Variants in FLT3 observed in about 807,000 individuals in gnomAD.
FLT3 encodes fms related receptor tyrosine kinase 3.
Under a neutral mutation model 126.6 loss-of-function variants are expected in FLT3, and 46 were observed. The observed-to-expected ratio is 0.36, with a 90% CI of 0.29 to 0.46. The LOEUF (loss-of-function observed/expected upper bound fraction) is 0.46, where lower values mean the gene tolerates loss of function less well. Among genes scored for constraint, FLT3 ranks in the 20% least tolerant of loss-of-function variants. The pLI is 1.00. For synonymous variants in FLT3, 404 were observed against 434.4 expected (o/e 0.93, Z 0.87); for missense variants, 1,069 against 1,190.3 (o/e 0.90, Z 1.50).
At chr13:28,059,125 T>C (rs557728724) in intron 3 of FLT3, among the ~76,000 whole-genome samples, 13 of 152,326 alleles carry the variant, frequency 8.5e-5, no homozygotes, top group Middle Eastern at 6.8e-3. Flanking sequence ...TTCAGAACTA[T>C]ACTCACTGTC....
At chr13:28,016,189 A>C (rs949578372) in intron 20 of FLT3, among the ~76,000 whole-genome samples, 6 of 152,058 alleles carry the variant, frequency 3.9e-5, no homozygotes, top group Non-Finnish European at 5.9e-5. Context: ...CATGAAAGGG[A>C]GTTTTGACTT....
intron 9 of FLT3, among the ~76,000 whole-genome samples, chr13:28,040,488 G>A (rs963317488): frequency 2.0e-5 from 3 of 152,144 alleles, no homozygotes; most frequent in Admixed American, 2.0e-4. Flanking sequence ...GACTGCTTGA[G>A]GCCAGAAGTT....
chr13:28,035,055 G>A (rs1228479711), intron 12 of FLT3, among the ~76,000 whole-genome samples: 1 of 152,160 alleles, frequency 6.6e-6, no homozygotes, highest in Non-Finnish European at 1.5e-5. Context: ...TCAGTTTTGT[G>A]AGGTTGGTGA....
At chr13:28,091,649 G>A (rs1172895983) in intron 1 of FLT3, among the ~76,000 whole-genome samples, 1 of 152,044 alleles carries the variant, frequency 6.6e-6, no homozygotes, top group East Asian at 1.9e-4. Flanking sequence ...CTATCTGCTG[G>A]TGAGGCTGGG....
Position 28,035,631 on chromosome 13 carries a change from A to G in FLT3, c.1461T>C (p.Ala487=). ...CCCACTGTCCAAACACTTTTCTGTT[A>G]GCCTTTCTATTCCAGACTCCTTCTG... ...EITEGVWNRK[A]NRKVFGQWVS... The change falls in exon 12 of 24, where the codon GCT becomes GCC. Residue 487 remains alanine, a synonymous_variant. Transcript: ENST00000241453. The G allele has an allele frequency of 1.2e-6, 2 of 1,614,124 alleles. No homozygotes were observed. The highest frequency in any genetic ancestry group is 8.5e-7 in the Non-Finnish European group (1 of 1,180,022).
rs758631139 is a variant in FLT3, at chr13:28,004,168, G to C, written c.2866C>G (p.Gln956Glu). ...QLADAEEAMY[Q>E]NVDGRVSECP... ...TCCGAAACACGGCCATCCACATTCT[G>C]ATACATCTGAATGTGGGAAAGAGAC... Residue 956 changes from glutamine (Q) to glutamate (E), a missense_variant, in exon 24 of 24, where the codon CAG (glutamine) becomes GAG (glutamate). Gln to Glu is a conservative substitution (Grantham distance 29). Coordinates refer to ENST00000241453, the MANE Select transcript of FLT3 (RefSeq NM_004119.3). The C allele has an allele frequency of 5.6e-6, 9 of 1,613,914 alleles. No homozygotes were observed. Among genetic ancestry groups the C allele is most frequent in the Middle Eastern group, 3.3e-4 (2 of 6,050 alleles).
chr13:28,014,849 G>A (rs1307192072), intron 22 of FLT3, among the ~76,000 whole-genome samples: 1 of 151,954 alleles, frequency 6.6e-6, no homozygotes, highest in Non-Finnish European at 1.5e-5. Flanking sequence ...GACAGGAAAG[G>A]TTCAGCTTTG....
At chr13:28,082,248 TCAAA>T (rs914971061) in intron 1 of FLT3, among the ~76,000 whole-genome samples, 7 of 152,100 alleles carry the variant, frequency 4.6e-5, no homozygotes, top group Admixed American at 1.3e-4. Context: ...ACTCCTGGGC[TCAAA>T]CAGTTTTCCC....
At chr13:28,013,765 C>T (rs2137607046) in intron 23 of FLT3, among the ~76,000 whole-genome samples, 1 of 152,280 alleles carries the variant, frequency 6.6e-6, no homozygotes, top group Admixed American at 6.5e-5. Flanking sequence ...AATGCTCTTT[C>T]CAGGCTACCA....
intron 5 of FLT3, among the ~76,000 whole-genome samples, chr13:28,051,758 G>GGTGTCAGGATCTCCT (rs1213725233): frequency 2.0e-5 from 3 of 150,454 alleles, no homozygotes; most frequent in African/African-American, 4.9e-5. Flanking sequence ...ATGTTAGCCA[G>GGTGTCAGGATCTCCT]GATGATCTCG....
chr13:28,064,378 G>C (rs536072746), intron 2 of FLT3, among the ~76,000 whole-genome samples: 1 of 152,056 alleles, frequency 6.6e-6, no homozygotes, highest in Non-Finnish European at 1.5e-5. Flanking sequence ...TTCGAGACCA[G>C]CCTGGCCAAG....
At chr13:28,064,194 C>T (rs887870975) in intron 2 of FLT3, among the ~76,000 whole-genome samples, 1 of 152,104 alleles carries the variant, frequency 6.6e-6, no homozygotes, top group African/African-American at 2.4e-5. Flanking sequence ...ATAAAAAGAA[C>T]CTTTGAAAAT....
At chr13:28,014,273 T>C (rs1361204388) in intron 23 of FLT3, among the ~76,000 whole-genome samples, 179 bp downstream of exon 23, 1 of 151,774 alleles carries the variant, frequency 6.6e-6, no homozygotes, top group African/African-American at 2.4e-5. Flanking sequence ...CCTGTCTCAA[T>C]AAATAAATAA....
At chr13:28,033,011 C>A (rs575553795) in intron 15 of FLT3, among the ~76,000 whole-genome samples, 1 of 152,220 alleles carries the variant, frequency 6.6e-6, no homozygotes, top group South Asian at 2.1e-4. Flanking sequence ...AGTGAGGATA[C>A]AAAGGGCCCC....
chr13:28,084,049 G>A (rs1488162386), intron 1 of FLT3, among the ~76,000 whole-genome samples: 1 of 151,540 alleles, frequency 6.6e-6, no homozygotes, highest in Non-Finnish European at 1.5e-5. Context: ...AAGAAATGGT[G>A]TTTTGCTGTG....
chr13:28,004,226 A>G (rs1870686323), intron 23 of FLT3, 52 bp from the exon 24 acceptor site: 1 of 1,572,894 alleles, frequency 6.4e-7, no homozygotes, highest in Admixed American at 1.7e-5. Context: ...GTAGATGCAC[A>G]TGTTATGCGC....
At chr13:28,077,027 GAA>G (rs1279115598) in intron 1 of FLT3, among the ~76,000 whole-genome samples, 5 of 1,838 alleles carry the variant, frequency 2.7e-3, no homozygotes, top group Non-Finnish European at 8.2e-3. Context: ...GGAAGGAAAA[GAA>G]AGAGAGAGAG....
intron 1 of FLT3, among the ~76,000 whole-genome samples, chr13:28,075,199 C>T (rs980666684): frequency 2.0e-5 from 3 of 152,114 alleles, no homozygotes; most frequent in East Asian, 1.9e-4. Flanking sequence ...TTAACATATA[C>T]ATCATTGTGG....
At chr13:28,016,806 A>G (rs940221842) in intron 20 of FLT3, among the ~76,000 whole-genome samples, 1 of 152,224 alleles carries the variant, frequency 6.6e-6, no homozygotes, top group African/African-American at 2.4e-5. Context: ...ATGACTACAT[A>G]TGAGCAGTCT....
Sources: allele counts gnomAD v4.1 joint callset (sites outside exome capture counted in the v4.1 genomes callset), GRCh38; gene constraint gnomAD v4.1.1; transcripts MANE v1.5; gene names NCBI Gene and HGNC (gene_info 2026-07-23, HGNC 2026-07-21).